Variants in SYT16 observed in about 807,000 individuals in gnomAD.
SYT16 encodes synaptotagmin 16, also known as synaptotagmin-16.
A neutral mutation model predicts 61.4 loss-of-function variants in SYT16; 42 were observed. The ratio of observed to expected loss-of-function variants is 0.68; its 90% CI spans 0.53 to 0.89. The LOEUF (loss-of-function observed/expected upper bound fraction) is 0.89, where lower values mean the gene tolerates loss of function less well. SYT16 is among the 40% of genes least tolerant of loss of function. The pLI, the probability that SYT16 is intolerant of heterozygous loss-of-function variation, is 0.00. For missense variants in SYT16, 804 were observed against 807.3 expected (o/e 1.00, Z 0.05); for synonymous variants, 314 against 302.3 (o/e 1.04, Z -0.40).
At chr14:62,012,102 T>C (rs994885199) in intron 3 of SYT16, among the ~76,000 whole-genome samples, 2 of 152,024 alleles carry the variant, frequency 1.3e-5, no homozygotes, top group Non-Finnish European at 2.9e-5. Context: ...ACACATTTAG[T>C]GGCTTAAAAC....
chr14:61,816,962 G>C (rs1389278185), intron 1 of SYT16, among the ~76,000 whole-genome samples: 1 of 148,664 alleles, frequency 6.7e-6, no homozygotes, highest in Non-Finnish European at 1.5e-5. Flanking sequence ...AGTGAGCCGA[G>C]ATCCTGCCAC....
chr14:61,921,110 C>T (rs1399718327), intron 1 of SYT16, among the ~76,000 whole-genome samples: 1 of 152,230 alleles, frequency 6.6e-6, no homozygotes, highest in Admixed American at 6.5e-5. Context: ...TCTCTTGCCT[C>T]CCTTTGGAGA....
In SYT16 at chr14:62,080,952, T is replaced by C. The variant is rs768963317; in HGVS notation, c.1112T>C (p.Ile371Thr). The C allele has an allele frequency of 2.5e-6, 4 of 1,612,106 alleles. 1 individual carries two copies. Among genetic ancestry groups the C allele is most frequent in the Middle Eastern group, 3.3e-4 (2 of 6,060 alleles). ...GCCAGCCAGAAGCTCACAGTGACCA[T>C]TGTGAGGGCACAGGGCCTCCCAGAT... ...RAASQKLTVT[I>T]VRAQGLPDKD... Residue 371 changes from isoleucine (I) to threonine (T), a missense_variant, in exon 6 of 8, where the codon ATT (isoleucine) becomes ACT (threonine). By Grantham distance (89) the Ile-to-Thr change is moderately conservative. Coordinates refer to ENST00000683842, the MANE Select transcript of SYT16 (RefSeq NM_001367656.1).
At chr14:61,878,210 GA>G in intron 1 of SYT16, among the ~76,000 whole-genome samples, 1 of 152,126 alleles carries the variant, frequency 6.6e-6, no homozygotes, top group Non-Finnish European at 1.5e-5. Context: ...TCATTATATT[GA>G]AAATGAAGAT....
At chr14:61,896,842 C>T (rs2048341722) in intron 1 of SYT16, among the ~76,000 whole-genome samples, 2 of 152,164 alleles carry the variant, frequency 1.3e-5, no homozygotes, top group Non-Finnish European at 2.9e-5. Flanking sequence ...TAGCCCCCTC[C>T]TCCCATATCA....
intron 1 of SYT16, among the ~76,000 whole-genome samples, chr14:61,895,425 C>T (rs977978726): frequency 1.3e-5 from 2 of 152,212 alleles, no homozygotes; most frequent in Admixed American, 1.3e-4. Flanking sequence ...CTTTTCAGCT[C>T]AGCAAATATT....
chr14:61,963,991 A>G (rs1163759443), intron 1 of SYT16, among the ~76,000 whole-genome samples: 1 of 152,166 alleles, frequency 6.6e-6, no homozygotes, highest in Non-Finnish European at 1.5e-5. Flanking sequence ...CCCGCTGTTG[A>G]GACTTACTGC....
chr14:62,007,508 C>G (rs72718556), intron 3 of SYT16, among the ~76,000 whole-genome samples: 22,649 of 152,094 alleles, frequency 0.15, 2,219 homozygotes, highest in Non-Finnish European at 0.21. Flanking sequence ...TATTAATGAA[C>G]ATGTTAGCAG....
rs2057442273 is a variant in SYT16, at chr14:62,102,589, T to C, written c.*1882T>C. The C allele has an allele frequency of 6.6e-6, 1 of 152,196 alleles. No individual in the cohort carries two copies. Among genetic ancestry groups the C allele is most frequent in the South Asian group, 2.1e-4 (1 of 4,820 alleles). The allele number at this position is 152,196 out of a possible 1,614,324, so 9.4% of individuals were successfully genotyped here. A position where few individuals can be genotyped will look rare whatever the true frequency, so the allele number is the denominator to read the frequency against. ...TTGAGTAGAACTGAGTGCGATTGAT[T>C]AAGTAGCAGCACAAAGAAGTGGCTT... On this transcript the variant is annotated 3_prime_UTR_variant, in exon 8 of 8. Coordinates refer to ENST00000683842, the MANE Select transcript of SYT16 (RefSeq NM_001367656.1).
At chr14:61,963,898 G>T (rs1449344931) in intron 1 of SYT16, among the ~76,000 whole-genome samples, 1 of 152,124 alleles carries the variant, frequency 6.6e-6, no homozygotes, top group Non-Finnish European at 1.5e-5. Context: ...GCTCAGTCTT[G>T]TCTGCCTGTG....
chr14:61,896,673 C>T (rs750764979), intron 1 of SYT16, among the ~76,000 whole-genome samples: 2 of 151,994 alleles, frequency 1.3e-5, no homozygotes, highest in Non-Finnish European at 2.9e-5. Flanking sequence ...TCAACATAGG[C>T]CAGTAAAATA....
intron 3 of SYT16, among the ~76,000 whole-genome samples, chr14:62,004,292 C>T (rs964004211): frequency 3.9e-5 from 6 of 152,142 alleles, no homozygotes; most frequent in South Asian, 2.1e-4. Context: ...AAAAGGGAAG[C>T]GTCACTTTTA....
At chr14:61,858,188 G>A (rs1337064905) in intron 1 of SYT16, among the ~76,000 whole-genome samples, 1 of 149,274 alleles carries the variant, frequency 6.7e-6, no homozygotes, top group Non-Finnish European at 1.5e-5. Flanking sequence ...TAAAGTCAAG[G>A]TGCAATAACT....
chr14:61,898,163 A>C (rs1026061359), intron 1 of SYT16, among the ~76,000 whole-genome samples: 1 of 152,238 alleles, frequency 6.6e-6, no homozygotes, highest in Admixed American at 6.5e-5. Context: ...AAAACAGAAG[A>C]GTGAAACAAA....
At chr14:62,046,394 T>G (rs984166263) in intron 3 of SYT16, among the ~76,000 whole-genome samples, 3 of 152,078 alleles carry the variant, frequency 2.0e-5, no homozygotes, top group Admixed American at 6.5e-5. Flanking sequence ...TTTCTCCCAT[T>G]CTGTAGGTTG....
At chr14:61,836,371 C>T (rs2046129803) in intron 1 of SYT16, among the ~76,000 whole-genome samples, 1 of 152,204 alleles carries the variant, frequency 6.6e-6, no homozygotes, top group Non-Finnish European at 1.5e-5. Flanking sequence ...CCTTAATTCA[C>T]ACAAACATCA....
intron 3 of SYT16, among the ~76,000 whole-genome samples, chr14:62,054,689 A>G (rs1274315394): frequency 6.6e-6 from 1 of 152,064 alleles, no homozygotes; most frequent in Admixed American, 6.6e-5. Context: ...TATTCAGTCT[A>G]TTTATTTTCA....
intron 3 of SYT16, among the ~76,000 whole-genome samples, chr14:62,057,632 T>G (rs940723261): frequency 2.8e-4 from 43 of 152,296 alleles, no homozygotes; most frequent in African/African-American, 1.0e-3. Context: ...GCTCATGACT[T>G]ATGGATTTGA....
chr14:61,847,885 C>G (rs535269432), intron 1 of SYT16, among the ~76,000 whole-genome samples: 10 of 152,240 alleles, frequency 6.6e-5, no homozygotes, highest in African/African-American at 2.4e-4. Context: ...TTTTTCAACT[C>G]CAGAATTTCT....
Sources: gnomAD v4.1 joint callset for allele counts (sites outside exome capture counted in the v4.1 genomes callset) on GRCh38, gnomAD v4.1.1 for gene constraint, MANE v1.5 for transcripts, NCBI Gene and HGNC (gene_info 2026-07-23, HGNC 2026-07-21) for gene names.